The following MPND variants were observed in gnomAD, a reference collection of about 807,000 sequenced individuals.
MPND encodes the protein MPN domain containing.
Under a neutral mutation model 59.2 loss-of-function variants are expected in MPND, and 56 were observed. The observed-to-expected ratio is 0.95, with a 90% CI of 0.76 to 1.18. The LOEUF is 1.18. MPND is among the 50% of genes most tolerant of loss of function. The pLI is 0.00. For synonymous variants in MPND, 323 were observed against 291.9 expected (o/e 1.11, Z -1.09); for missense variants, 671 against 676.0 (o/e 0.99, Z 0.08).
intron 3 of MPND, among the ~76,000 whole-genome samples, chr19:4,346,235 T>C (rs1972183444): frequency 6.6e-6 from 1 of 152,072 alleles, no homozygotes; most frequent in Non-Finnish European, 1.5e-5. Context: ...AAGGATGGAA[T>C]GGCATACGCA....
intron 2 of MPND, among the ~76,000 whole-genome samples, chr19:4,344,527 C>G (rs1034665929): frequency 3.3e-5 from 5 of 152,142 alleles, no homozygotes; most frequent in Non-Finnish European, 5.9e-5. Context: ...TACCAAACAC[C>G]CCATCCCACA....
intron 9 of MPND, 36 bp downstream of exon 9, chr19:4,357,457 G>A: frequency 6.2e-7 from 1 of 1,609,788 alleles, no homozygotes; most frequent in South Asian, 1.1e-5. Context: ...AGCAAGGAGG[G>A]GGGATGCTGG....
chr19:4,345,477 A>C lies in MPND; in HGVS notation c.295-268A>C, dbSNP rs74428242. On this transcript the variant is annotated intron_variant, in intron 2 of 12. Coordinates refer to ENST00000599840, the MANE Select transcript of MPND (RefSeq NM_001300862.2). ...GCATCCTGGAGACACAGCAGTGATC[A>C]AGACAGACAGACCCTATCCCCGATC... is the stretch of plus-strand genomic sequence containing the variant. Among the ~76,000 whole-genome samples the C allele has an allele frequency of 8.3e-3, 1,263 of 152,322 alleles. 14 individuals carry two copies. The highest frequency in any genetic ancestry group is 0.029 in the African/African-American group (1,215 of 41,572).
intron 4 of MPND, 76 bp from the exon 5 acceptor site, chr19:4,353,969 C>A: frequency 7.7e-7 from 1 of 1,293,110 alleles, no homozygotes; most frequent in Middle Eastern, 1.9e-4. Flanking sequence ...TAGGCATGCA[C>A]CACCACACCC....
At chr19:4,346,092 G>A in intron 3 of MPND, 111 bp downstream of exon 3, 1 of 899,504 alleles carries the variant, frequency 1.1e-6, no homozygotes, top group African/African-American at 1.7e-5. Flanking sequence ...TACAAACACG[G>A]ATGGAGCCCT....
At chr19:4,353,960 AG>A (rs1164719601) in intron 4 of MPND, 84 bp from the exon 5 acceptor site, 1 of 1,146,786 alleles carries the variant, frequency 8.7e-7, no homozygotes, top group African/African-American at 1.5e-5. Flanking sequence ...CTGGGATTAT[AG>A]GCATGCACCA....
intron 12 of MPND, among the ~76,000 whole-genome samples, 196 bp from the exon 13 acceptor site, chr19:4,359,720 C>T (rs570551986): frequency 7.2e-5 from 11 of 152,266 alleles, no homozygotes; most frequent in Admixed American, 2.0e-4. Flanking sequence ...CACACAGCAC[C>T]GCTGCCCCTG....
At chr19:4,346,440 CAG>C (rs1972187918) in intron 3 of MPND, among the ~76,000 whole-genome samples, 1 of 151,842 alleles carries the variant, frequency 6.6e-6, no homozygotes, top group South Asian at 2.1e-4. Context: ...TTTTTTGAGA[CAG>C]GGTCTCACTC....
chr19:4,359,114 A>C, intron 11 of MPND, 49 bp from the exon 12 acceptor site: 117 of 1,309,684 alleles, frequency 8.9e-5, no homozygotes, highest in Middle Eastern at 1.8e-4. Flanking sequence ...GCGCTGAGGT[A>C]CCTCAGGCTT....
intron 12 of MPND, among the ~76,000 whole-genome samples, chr19:4,359,466 G>A (rs1162888420): frequency 1.3e-5 from 2 of 152,172 alleles, no homozygotes; most frequent in African/African-American, 4.8e-5. Context: ...GGCAGTGCCG[G>A]ATGAGGTCCT....
chr19:4,345,007 C>T (rs1206739141), intron 2 of MPND, among the ~76,000 whole-genome samples: 1 of 136,372 alleles, frequency 7.3e-6, no homozygotes, highest in Non-Finnish European at 1.5e-5. Context: ...TCCCAAAGTG[C>T]TGGGATTATA....
At chr19:4,347,392 C>G (rs1458472290) in intron 3 of MPND, 1 of 152,304 alleles carries the variant, frequency 6.6e-6, no homozygotes, top group African/African-American at 2.4e-5. Context: ...AGGCACCCAC[C>G]ACCACGCCCG....
intron 3 of MPND, among the ~76,000 whole-genome samples, chr19:4,351,673 T>C (rs1010135542): frequency 4.6e-5 from 7 of 150,588 alleles, no homozygotes; most frequent in African/African-American, 9.8e-5. Context: ...CCATCCTGGC[T>C]AACACGGTGA....
At chr19:4,357,824 G>A (rs1972477402) in intron 10 of MPND, 2 of 607,234 alleles carry the variant, frequency 3.3e-6, no homozygotes, top group Admixed American at 5.9e-5. Context: ...GACCCTGCCT[G>A]GCTTCATTCC....
At chr19:4,357,455 G>A (rs377009017) in intron 9 of MPND, 34 bp downstream of exon 9, 3 of 1,609,412 alleles carry the variant, frequency 1.9e-6, no homozygotes, top group African/African-American at 2.7e-5. Flanking sequence ...GGAGCAAGGA[G>A]GGGGGATGCT....
intron 11 of MPND, 49 bp downstream of exon 11, chr19:4,358,221 G>A: frequency 6.8e-7 from 1 of 1,474,488 alleles, no homozygotes; most frequent in African/African-American, 1.4e-5. Flanking sequence ...TGCGCAGCTG[G>A]GCACACGATG....
At chr19:4,355,367 G>A (rs1374389490) in intron 8 of MPND, among the ~76,000 whole-genome samples, 194 bp downstream of exon 8, 6 of 136,338 alleles carry the variant, frequency 4.4e-5, no homozygotes, top group Admixed American at 1.7e-4. Flanking sequence ...ACGGAGTCTC[G>A]CTCTGTCACC....
chr19:4,359,160 T>C lies in MPND; in HGVS notation c.1327-3T>C. On this transcript the variant is annotated splice_polypyrimidine_tract_variant and splice_region_variant and intron_variant, in intron 11 of 12. Transcript: ENST00000599840. ...TGGGAGTCCATGCTCCTCTGTCCTG[T>C]AGATGCTGCTGGTGGAGTTCTACAA... 6.2e-7 allele frequency: 1 copy of C among 1,611,412 alleles called. No individual in the cohort carries two copies. The highest frequency in any genetic ancestry group is 1.1e-5 in the South Asian group (1 of 91,032).
At chr19:4,355,272 A>T in intron 8 of MPND, 99 bp downstream of exon 8, 1 of 1,260,350 alleles carries the variant, frequency 7.9e-7, no homozygotes. Flanking sequence ...TCACCCAGCA[A>T]CCGTGCAGGT....
Sources: gnomAD v4.1 joint callset for allele counts (sites outside exome capture counted in the v4.1 genomes callset) on GRCh38, gnomAD v4.1.1 for gene constraint, MANE v1.5 for transcripts, NCBI Gene and HGNC (gene_info 2026-07-23, HGNC 2026-07-21) for gene names.